Variants in PCDHGA8 observed in about 807,000 individuals in gnomAD.
PCDHGA8 encodes protocadherin gamma subfamily A, 8.
Under a neutral mutation model 59.2 loss-of-function variants are expected in PCDHGA8, and 45 were observed. The ratio of observed to expected loss-of-function variants is 0.76; its 90% CI spans 0.60 to 0.98. PCDHGA8 has a LOEUF of 0.98. Ranked by LOEUF, PCDHGA8 falls within the 50% of genes least tolerant of loss-of-function variation. PCDHGA8 has a pLI of 0.00. For synonymous variants in PCDHGA8, 531 were observed against 519.0 expected, an observed-to-expected ratio of 1.02 and a Z score of -0.32; for missense variants, 1,257 against 1,196.2, an observed-to-expected ratio of 1.05 and a Z score of -0.75.
intron 1 of PCDHGA8, chr5:141,409,618 G>C: frequency 6.2e-7 from 1 of 1,613,894 alleles, no homozygotes; most frequent in Non-Finnish European, 8.5e-7. Context: ...CCTCCATTGC[G>C]CAAGTGAGCG....
At chr5:141,430,811 A>G (rs1193066300) in intron 1 of PCDHGA8, 1 of 1,527,400 alleles carries the variant, frequency 6.5e-7, no homozygotes. Flanking sequence ...CCTGCTGGGA[A>G]TCCTCCTGGG....
At chr5:141,410,012 C>T (rs1256228205) in intron 1 of PCDHGA8, 24 of 1,613,212 alleles carry the variant, frequency 1.5e-5, no homozygotes, top group Non-Finnish European at 2.0e-5. Context: ...CAACGCCTGG[C>T]TGTCCTACCA....
chr5:141,473,479 G>A (rs1417960508), intron 1 of PCDHGA8, among the ~76,000 whole-genome samples: 1 of 152,118 alleles, frequency 6.6e-6, no homozygotes, highest in Non-Finnish European at 1.5e-5. Flanking sequence ...AAGTTCAATG[G>A]AAAAAATATA....
chr5:141,422,066 A>G, intron 1 of PCDHGA8: 1 of 1,612,154 alleles, frequency 6.2e-7, no homozygotes. Context: ...GAAGTAATGT[A>G]TTCATTTCGG....
In PCDHGA8 at chr5:141,430,843, C is replaced by T. The variant is rs1370427603; in HGVS notation, c.2424+35606C>T. 2.6e-6 allele frequency: 4 copies of T among 1,568,356 alleles called. No homozygotes were observed. The African/African-American group carries it at 4.1e-5, about 16-fold the overall frequency. On this transcript the variant is annotated intron_variant, in intron 1 of 3. Coordinates refer to ENST00000398604, the MANE Select transcript of PCDHGA8 (RefSeq NM_032088.2). ...TGGGGACTCTGTGGGAGACCGGATG[C>T]ACCCAGATACGCTATTCAGTTCCGG...
chr5:141,500,877 A>ATTT (rs369345007), intron 2 of PCDHGA8, among the ~76,000 whole-genome samples: 1 of 122,288 alleles, frequency 8.2e-6, no homozygotes, highest in Admixed American at 8.0e-5. Context: ...TTCATTTACA[A>ATTT]TTTTTTTTTT....
In PCDHGA8 at chr5:141,477,018, C is replaced by T. The variant is rs2099403540; in HGVS notation, c.2425-17789C>T. The T allele has an allele frequency of 3.1e-6, 5 of 1,614,262 alleles. No homozygotes were observed. Among genetic ancestry groups the T allele is most frequent in the Non-Finnish European group, 4.2e-6 (5 of 1,180,048 alleles). ...CAACTATTCGCCTTAGACCTTGTAA[C>T]CGGGATGCTGACAATCAAGGGTCGG... On this transcript the variant is annotated intron_variant, in intron 1 of 3. Coordinates refer to ENST00000398604, the MANE Select transcript of PCDHGA8 (RefSeq NM_032088.2). The surrounding 1 kb of genome is among the most constrained non-coding windows in gnomAD (Gnocchi z 4.9).
At chr5:141,414,312 C>T in intron 1 of PCDHGA8, 1 of 1,613,724 alleles carries the variant, frequency 6.2e-7, no homozygotes, top group South Asian at 1.1e-5. Context: ...ATGATTTAGA[C>T]TCTGAGCAGA....
At chr5:141,403,978 C>T (rs965753943) in intron 1 of PCDHGA8, 2 of 1,613,714 alleles carry the variant, frequency 1.2e-6, no homozygotes, top group African/African-American at 2.7e-5. Context: ...ATGTAAATGA[C>T]AATAGACCTG....
At position 141,413,736 on chromosome 5, in the gene PCDHGA8, G is replaced by A. The variant is rs189162146; in HGVS notation, c.2424+18499G>A. The A allele has an allele frequency of 1.9e-4, 309 of 1,613,452 alleles. No individual in the cohort carries two copies. In the African/African-American group the frequency reaches 3.0e-3, roughly 16 times the overall value. On this transcript the variant is annotated intron_variant, in intron 1 of 3. Coordinates refer to ENST00000398604, the MANE Select transcript of PCDHGA8 (RefSeq NM_032088.2). Reference sequence around the variant, plus strand: ...ATAAGCACTTCTCCCTAAGAGTTCAGAGCCGTGCCAATGGCGTCAAGTACC... The same window carrying A: ...ATAAGCACTTCTCCCTAAGAGTTCAAAGCCGTGCCAATGGCGTCAAGTACC...
intron 3 of PCDHGA8, among the ~76,000 whole-genome samples, chr5:141,510,272 TAAAAAA>T (rs546154379): frequency 7.7e-6 from 1 of 130,390 alleles, no homozygotes; most frequent in Non-Finnish European, 1.6e-5. Context: ...GACTCCATCT[TAAAAAA>T]AAAAAAAAAA....
chr5:141,407,706 G>C (rs1350991580), intron 1 of PCDHGA8, among the ~76,000 whole-genome samples: 3 of 152,006 alleles, frequency 2.0e-5, no homozygotes, highest in Admixed American at 1.3e-4. Context: ...GTTGAAGGTG[G>C]GGTGATGGCT....
intron 1 of PCDHGA8, chr5:141,400,651 C>G (rs2094056317): frequency 8.6e-7 from 1 of 1,166,874 alleles, no homozygotes; most frequent in African/African-American, 1.5e-5. Flanking sequence ...GAAAGCTGTC[C>G]TACCATTCTT....
rs375469126 is a variant in PCDHGA8 at position 141,405,300 on chromosome 5, A to G, written c.2424+10063A>G. 207 of 1,614,206 alleles carry G rather than the reference A, an allele frequency of 1.3e-4. No homozygotes were observed. Among genetic ancestry groups the G allele is most frequent in the Non-Finnish European group, 1.6e-4 (193 of 1,180,010 alleles). On this transcript the variant is annotated intron_variant, in intron 1 of 3. Transcript: ENST00000398604. Reference sequence around the variant, plus strand: ...TATGCAGACACACTCATCAGCCAGCAGAGCTGTGAGAAAAATGAGCCTTTG... The same window carrying G: ...TATGCAGACACACTCATCAGCCAGCGGAGCTGTGAGAAAAATGAGCCTTTG...
At chr5:141,510,863 A>G in intron 3 of PCDHGA8, 84 bp from the exon 4 acceptor site, 1 of 1,607,492 alleles carries the variant, frequency 6.2e-7, no homozygotes, top group African/African-American at 1.3e-5. Flanking sequence ...CTGTATAGGC[A>G]TTCATTAACT....
At chr5:141,441,747 G>A in intron 1 of PCDHGA8, 2 of 372,470 alleles carry the variant, frequency 5.4e-6, no homozygotes, top group Non-Finnish European at 5.4e-6. Flanking sequence ...CGCGCTCGGC[G>A]TCAACGTGAG....
intron 1 of PCDHGA8, chr5:141,421,703 G>A: frequency 1.2e-6 from 2 of 1,613,946 alleles, no homozygotes; most frequent in Middle Eastern, 1.6e-4. Context: ...CCTAATGCTA[G>A]GGATCCAGAT....
rs750632906 is a variant in PCDHGA8 at position 141,392,833 on chromosome 5, G to A, written c.20G>A (p.Arg7His). The A allele has an allele frequency of 2.4e-5, 39 of 1,604,260 alleles. No homozygotes were observed. Among genetic ancestry groups the A allele is most frequent in the Non-Finnish European group, 2.8e-5 (33 of 1,175,350 alleles). The change falls in exon 1 of 4, where the codon CGC (arginine) becomes CAC (histidine). Residue 7 changes from arginine (R) to histidine (H), a missense_variant. Coordinates refer to ENST00000398604, the MANE Select transcript of PCDHGA8 (RefSeq NM_032088.2). MAAPQS[R>H]PRRGELILLC... ...ACAACAATGGCCGCTCCACAGAGTC[G>A]CCCCAGACGCGGCGAGCTGATCCTG...
chr5:141,399,165 T>C (rs1423083245), intron 1 of PCDHGA8: 1 of 1,613,774 alleles, frequency 6.2e-7, no homozygotes, highest in South Asian at 1.1e-5. Context: ...TTACATTCCA[T>C]TCTCTACTTG....
Sources: gnomAD v4.1 joint callset for allele counts (sites outside exome capture counted in the v4.1 genomes callset) on GRCh38, gnomAD v4.1.1 for gene constraint, Gnocchi (gnomAD v3.1) non-coding constraint, MANE v1.5 for transcripts, NCBI Gene and HGNC (gene_info 2026-07-23, HGNC 2026-07-21) for gene names.